MAGT1: variants seen among roughly 807,000 people sequenced by gnomAD.
MAGT1 encodes the protein magnesium transporter 1, also known as dolichyl-diphosphooligosaccharide--protein glycosyltransferase subunit MAGT1.
A neutral mutation model predicts 28.4 loss-of-function variants in MAGT1; 4 were observed. That is an observed-to-expected ratio of 0.14 (90% CI 0.07 to 0.32). MAGT1 has a LOEUF of 0.32. Among genes scored for constraint, MAGT1 ranks in the 10% least tolerant of loss-of-function variants. MAGT1 has a pLI of 1.00. For missense variants in MAGT1, 193 were observed against 264.5 expected, an observed-to-expected ratio of 0.73 and a Z score of 1.88; for synonymous variants, 89 against 89.7, an observed-to-expected ratio of 0.99 and a Z score of 0.04.
At chrX:77,889,573 G>A (rs961032696) in intron 1 of MAGT1, among the ~76,000 whole-genome samples, 4 of 108,102 alleles carry the variant, frequency 3.7e-5, no homozygotes, top group South Asian at 8.0e-4. Context: ...GGGTTTCACC[G>A]TGTTAGCCAG....
chrX:77,894,919 T>C (rs782459612), intron 1 of MAGT1, among the ~76,000 whole-genome samples: 14 of 111,634 alleles, frequency 1.3e-4, no homozygotes, highest in Non-Finnish European at 2.3e-4. Context: ...TGCTAGAAAA[T>C]AGAGAACTCT....
intron 1 of MAGT1, among the ~76,000 whole-genome samples, chrX:77,877,890 T>C (rs1032462578): frequency 9.2e-6 from 1 of 109,243 alleles, no homozygotes; most frequent in African/African-American, 3.3e-5. Flanking sequence ...CAATATCAAA[T>C]GCTGGTGAGG....
chrX:77,863,156 T>C (rs2076999006), intron 3 of MAGT1, among the ~76,000 whole-genome samples: 1 of 107,140 alleles, frequency 9.3e-6, no homozygotes, highest in Non-Finnish European at 1.9e-5. Flanking sequence ...TGAGACTCCA[T>C]CTCAAAAAAA....
At chrX:77,854,007 T>C in intron 6 of MAGT1, 43 bp from the exon 7 acceptor site, 1 of 986,592 alleles carries the variant, frequency 1.0e-6, no homozygotes, top group Non-Finnish European at 1.4e-6. Flanking sequence ...AAGTATACAT[T>C]AAATGTTGGT....
Position 77,880,037 on chromosome X carries a change from C to A in MAGT1, c.103-4440G>T, listed in dbSNP as rs183814541. Among the ~76,000 whole-genome samples the A allele has an allele frequency of 1.5e-4, 16 of 103,564 alleles. 1 individual carries two copies. Among genetic ancestry groups the A allele is most frequent in the Non-Finnish European group, 1.2e-4 (6 of 50,818 alleles). 89.9% of individuals were successfully genotyped at this position (103,564 alleles called of 115,157 possible). On this transcript the variant is annotated intron_variant, in intron 1 of 9. Coordinates refer to ENST00000618282, the MANE Select transcript of MAGT1 (RefSeq NM_001367916.1). ...TGTTTTTAGTAGGGACGGGGTTTGA[C>A]CATGTTGGCCAGGCTGGTCTTGAAC... is the stretch of plus-strand genomic sequence containing the variant.
intron 1 of MAGT1, among the ~76,000 whole-genome samples, chrX:77,894,647 C>T (rs1167105053): frequency 2.7e-5 from 3 of 111,938 alleles, no homozygotes; most frequent in Non-Finnish European, 1.9e-5. Context: ...GTTAAAATTC[C>T]TCTACCTGGA....
rs2149025218 is a variant in MAGT1, at chrX:77,875,592, C to T, written c.108G>A (p.Val36=). ...TCAGCTGACTAACCTTTTCAGATAA[C>T]ACCATCTAAAAAAGACAAAGTGAGC... ...SASAQRKKEM[V]LSEKVSQLME... Residue 36 remains valine (V), a synonymous_variant, in exon 2 of 10, where the codon GTG becomes GTA. Transcript: ENST00000618282. The T allele has an allele frequency of 3.3e-6, 4 of 1,206,302 alleles. No individual in the cohort carries two copies. In the East Asian group the frequency reaches 8.9e-5, roughly 27 times the overall value.
chrX:77,845,699 C>A (rs1419987355), intron 7 of MAGT1, among the ~76,000 whole-genome samples: 1 of 111,367 alleles, frequency 9.0e-6, no homozygotes, highest in Admixed American at 9.6e-5. Flanking sequence ...ACTTATGAAG[C>A]TTAGTTTGGC....
intron 8 of MAGT1, among the ~76,000 whole-genome samples, chrX:77,835,621 G>A (rs968260035): frequency 1.8e-5 from 2 of 111,632 alleles, no homozygotes; most frequent in Non-Finnish European, 1.9e-5. Context: ...TCAGTATACC[G>A]AAGAGATATC....
chrX:77,875,715 G>T, intron 1 of MAGT1, 118 bp from the exon 2 acceptor site: 1 of 673,654 alleles, frequency 1.5e-6, no homozygotes, highest in Non-Finnish European at 2.3e-6. Context: ...GAAAATGTGA[G>T]ACCTAAAGCC....
At chrX:77,883,156 G>T in intron 1 of MAGT1, among the ~76,000 whole-genome samples, 1 of 100,704 alleles carries the variant, frequency 9.9e-6, no homozygotes, top group African/African-American at 3.6e-5. Context: ...ATCATTGTTA[G>T]ACATTTGGGT....
chrX:77,850,154 C>T (rs2149016098), intron 7 of MAGT1, among the ~76,000 whole-genome samples: 1 of 110,714 alleles, frequency 9.0e-6, no homozygotes, highest in African/African-American at 3.3e-5. Flanking sequence ...AACAATGTTA[C>T]CGGTCTTGAG....
At chrX:77,882,886 G>A (rs1447397410) in intron 1 of MAGT1, among the ~76,000 whole-genome samples, 3 of 106,387 alleles carry the variant, frequency 2.8e-5, no homozygotes, top group Admixed American at 1.1e-4. Context: ...AGGATCACTT[G>A]AGCCCAGGAG....
Position 77,828,021 on chromosome X carries a change from C to T in MAGT1, c.*1199G>A, listed in dbSNP as rs1320458162. The T allele has an allele frequency of 1.8e-5, 2 of 110,755 alleles. No individual in the cohort carries two copies. The highest frequency in any genetic ancestry group is 1.9e-4 in the Admixed American group (2 of 10,294). The allele number at this position is 110,755 out of a possible 1,213,427, so 9.1% of individuals were successfully genotyped here. ...TGAGACAGAGTCTCACTCTATCACT[C>T]AGGCTGGAGCGCAGTAGCGTGATCT... On this transcript the variant is annotated 3_prime_UTR_variant, in exon 10 of 10. Transcript: ENST00000618282.
At chrX:77,850,484 A>AGGGGG (rs35120738) in intron 7 of MAGT1, among the ~76,000 whole-genome samples, 2 of 33,931 alleles carry the variant, frequency 5.9e-5, no homozygotes, top group African/African-American at 1.3e-4. Context: ...CAAAAAAAAA[A>AGGGGG]GGGGGGGGGG....
At chrX:77,851,936 T>C (rs782234630) in intron 7 of MAGT1, among the ~76,000 whole-genome samples, 48 of 106,253 alleles carry the variant, frequency 4.5e-4, no homozygotes, top group African/African-American at 1.5e-3. Flanking sequence ...TTTGCTCTAA[T>C]TGCCCACGCT....
chrX:77,846,807 G>C (rs374933501), intron 7 of MAGT1, among the ~76,000 whole-genome samples: 26 of 111,648 alleles, frequency 2.3e-4, no homozygotes, highest in African/African-American at 8.4e-4. Flanking sequence ...TTGTTTCAGA[G>C]GAGTACCCGG....
chrX:77,890,691 AT>A (rs1462360007), intron 1 of MAGT1, among the ~76,000 whole-genome samples: 2 of 111,865 alleles, frequency 1.8e-5, no homozygotes, highest in African/African-American at 3.2e-5. Context: ...ATCTCACTTT[AT>A]TTTCTAACAT....
intron 1 of MAGT1, among the ~76,000 whole-genome samples, chrX:77,881,915 C>T (rs1162021223): frequency 2.7e-5 from 3 of 111,419 alleles, no homozygotes; most frequent in Non-Finnish European, 5.6e-5. Context: ...ACTGGCAAAC[C>T]AAATCCAGCA....
Sources: gnomAD v4.1 joint callset for allele counts (sites outside exome capture counted in the v4.1 genomes callset) on GRCh38, gnomAD v4.1.1 for gene constraint, MANE v1.5 for transcripts, NCBI Gene and HGNC (gene_info 2026-07-23, HGNC 2026-07-21) for gene names.